FBXO42: variants seen among roughly 807,000 people sequenced by gnomAD.
FBXO42 encodes the protein F-box protein 42, also known as F-box only protein 42.
Under a neutral mutation model 71.7 loss-of-function variants are expected in FBXO42, and 12 were observed. That is an observed-to-expected ratio of 0.17 (90% CI 0.11 to 0.27). FBXO42 has a LOEUF of 0.27. Among genes scored for constraint, FBXO42 ranks in the 10% least tolerant of loss-of-function variants. The pLI, the probability that FBXO42 is intolerant of heterozygous loss-of-function variation, is 1.00. For missense variants in FBXO42, 707 were observed against 911.9 expected (o/e 0.78, Z 2.89); for synonymous variants, 325 against 327.5 (o/e 0.99, Z 0.08).
intron 4 of FBXO42, among the ~76,000 whole-genome samples, chr1:16,278,863 C>T (rs1217052916): frequency 6.6e-6 from 1 of 152,124 alleles, no homozygotes; most frequent in African/African-American, 2.4e-5. Flanking sequence ...ACCACAACCT[C>T]CGCCTTCTGG....
In FBXO42 at chr1:16,322,567, C is replaced by A. The variant is rs574119677; in HGVS notation, c.-17-7132G>T. Among the ~76,000 whole-genome samples, 6 of 152,202 alleles carry A rather than the reference C, an allele frequency of 3.9e-5. No individual in the cohort carries two copies. In the East Asian group the frequency reaches 1.2e-3, roughly 30 times the overall value. ...CTCCAGCCTGGGCAACAGAGCGAGA[C>A]TCTGTCTCAAAATACAAAAAAAATT... On this transcript the variant is annotated intron_variant, in intron 1 of 9. Coordinates refer to ENST00000375592, the MANE Select transcript of FBXO42 (RefSeq NM_018994.3).
At chr1:16,284,757 C>T (rs1001189462) in intron 4 of FBXO42, among the ~76,000 whole-genome samples, 10 of 152,108 alleles carry the variant, frequency 6.6e-5, no homozygotes, top group African/African-American at 1.9e-4. Context: ...CATCTGAGGT[C>T]GGGAGTTTGA....
chr1:16,289,029 G>A (rs1189624179), intron 4 of FBXO42, among the ~76,000 whole-genome samples: 1 of 151,804 alleles, frequency 6.6e-6, no homozygotes, highest in Non-Finnish European at 1.5e-5. Flanking sequence ...AATATTGATG[G>A]CCTTCTGTCT....
chr1:16,272,539 G>A (rs752155549), intron 4 of FBXO42, among the ~76,000 whole-genome samples: 2 of 152,100 alleles, frequency 1.3e-5, no homozygotes, highest in Non-Finnish European at 2.9e-5. Flanking sequence ...GATTACAGGC[G>A]TGAGCCACCG....
intron 4 of FBXO42, among the ~76,000 whole-genome samples, chr1:16,259,873 C>T: frequency 6.6e-6 from 1 of 151,750 alleles, no homozygotes; most frequent in Middle Eastern, 3.2e-3. Context: ...ACATGGCATA[C>T]ATAATGTAAG....
chr1:16,297,740 G>A (rs955437796), intron 3 of FBXO42, among the ~76,000 whole-genome samples: 12 of 151,834 alleles, frequency 7.9e-5, no homozygotes, highest in African/African-American at 2.7e-4. Flanking sequence ...GGTGGCAGGC[G>A]CCTGTAGTTC....
At chr1:16,310,278 T>C (rs957805179) in intron 2 of FBXO42, among the ~76,000 whole-genome samples, 1 of 151,892 alleles carries the variant, frequency 6.6e-6, no homozygotes, top group African/African-American at 2.4e-5. Flanking sequence ...GGAGAATTCC[T>C]TGAACCCAGG....
At chr1:16,277,126 A>C (rs2081911980) in intron 4 of FBXO42, among the ~76,000 whole-genome samples, 1 of 152,184 alleles carries the variant, frequency 6.6e-6, no homozygotes, top group Admixed American at 6.6e-5. Flanking sequence ...TACTAAAACA[A>C]TGAGATCAAT....
In FBXO42 at chr1:16,253,439, G is replaced by A; in HGVS notation, c.864+196C>T. 3 of 598,926 alleles carry A rather than the reference G, an allele frequency of 5.0e-6. 1 individual carries two copies. Among genetic ancestry groups the A allele is most frequent in the Middle Eastern group, 6.0e-4 (2 of 3,354 alleles). The allele number at this position is 598,926 out of a possible 1,614,324, so 37.1% of individuals were successfully genotyped here. A position where few individuals can be genotyped will look rare whatever the true frequency, so the allele number is the denominator to read the frequency against. On this transcript the variant is annotated intron_variant, in intron 7 of 9. Coordinates refer to ENST00000375592, the MANE Select transcript of FBXO42 (RefSeq NM_018994.3). ...ATGACACAGCAAAGTAAATGCTTTG[G>A]GGAGGAGCATAATATAAAACCACTA... is the stretch of plus-strand genomic sequence containing the variant.
chr1:16,256,064 A>G (rs2081640578), intron 5 of FBXO42, among the ~76,000 whole-genome samples: 2 of 152,228 alleles, frequency 1.3e-5, no homozygotes, highest in Non-Finnish European at 2.9e-5. Context: ...ATGACAAGAG[A>G]CAAGATCATG....
chr1:16,347,928 G>A (rs1569958110), intron 1 of FBXO42, among the ~76,000 whole-genome samples: 3 of 150,584 alleles, frequency 2.0e-5, no homozygotes, highest in East Asian at 3.9e-4. Flanking sequence ...GGTGGAGCTT[G>A]CAGTGAGCCG....
In FBXO42 at chr1:16,247,577, G is replaced by A. The variant is rs1329617136; in HGVS notation, c.*3093C>T. ...CCTCCTCTTTTCTTTATTTTAAAGA[G>A]TTCCAACACAGTTCCTAGAATAGTT... On this transcript the variant is annotated 3_prime_UTR_variant, in exon 10 of 10. Transcript: ENST00000375592. 6.6e-6 allele frequency: 1 copy of A among 152,152 alleles called. No homozygotes were observed. The allele number at this position is 152,152 out of a possible 1,614,324, so 9.4% of individuals were successfully genotyped here.
chr1:16,284,588 T>C (rs1171185304), intron 4 of FBXO42, among the ~76,000 whole-genome samples: 1 of 152,098 alleles, frequency 6.6e-6, no homozygotes, highest in African/African-American at 2.4e-5. Context: ...TCCCAGCACT[T>C]TGGGAGGCCA....
intron 2 of FBXO42, among the ~76,000 whole-genome samples, chr1:16,313,938 G>C (rs2082339602): frequency 6.6e-6 from 1 of 152,170 alleles, no homozygotes; most frequent in Non-Finnish European, 1.5e-5. Flanking sequence ...TTAGCAAAAA[G>C]TTGAAATCTT....
chr1:16,301,683 AC>A (rs762551598), intron 3 of FBXO42, among the ~76,000 whole-genome samples: 10,747 of 138,512 alleles, frequency 0.078, 674 homozygotes, highest in Non-Finnish European at 0.12. Context: ...AAAAAAAAAA[AC>A]AACAAAAAAA....
intron 2 of FBXO42, among the ~76,000 whole-genome samples, chr1:16,309,541 A>G (rs1298207974): frequency 2.0e-5 from 3 of 152,200 alleles, no homozygotes; most frequent in Non-Finnish European, 4.4e-5. Context: ...ACAGGAGAAA[A>G]TCTAGAAGAC....
intron 4 of FBXO42, among the ~76,000 whole-genome samples, chr1:16,274,318 AAAAAAAAAGAAAAG>A (rs989629475): frequency 1.3e-5 from 2 of 150,798 alleles, no homozygotes; most frequent in African/African-American, 4.9e-5. Flanking sequence ...AAAAAACACA[AAAAAAAAAGAAAAG>A]AAAAGAAAAA....
intron 4 of FBXO42, among the ~76,000 whole-genome samples, chr1:16,287,073 C>T (rs1371541720): frequency 6.6e-6 from 1 of 152,198 alleles, no homozygotes; most frequent in African/African-American, 2.4e-5. Context: ...ATGACAATGT[C>T]CTTACAACAG....
At chr1:16,345,772 G>A (rs914717659) in intron 1 of FBXO42, among the ~76,000 whole-genome samples, 2 of 151,368 alleles carry the variant, frequency 1.3e-5, no homozygotes, top group Non-Finnish European at 2.9e-5. Context: ...GGCATGAACC[G>A]GGGAGGCAGA....
Sources: allele counts gnomAD v4.1 joint callset (sites outside exome capture counted in the v4.1 genomes callset), GRCh38; gene constraint gnomAD v4.1.1; transcripts MANE v1.5; gene names NCBI Gene and HGNC (gene_info 2026-07-23, HGNC 2026-07-21).